DTNA: variants seen among roughly 807,000 people sequenced by gnomAD.
The protein encoded by DTNA is dystrobrevin alpha, also known as dystrophin-related protein 3.
A neutral mutation model predicts 100.7 loss-of-function variants in DTNA; 43 were observed. The observed-to-expected ratio is 0.43, with a 90% confidence interval of 0.33 to 0.55. The LOEUF is 0.55. Among genes scored for constraint, DTNA ranks in the 20% least tolerant of loss-of-function variants. The probability of loss-of-function intolerance (pLI) is 0.04; values close to 1 mark genes in which losing one functional copy is unlikely to be tolerated. For missense variants in DTNA, 798 were observed against 953.9 expected, an observed-to-expected ratio of 0.84 and a Z score of 2.15; for synonymous variants, 349 against 347.9, an observed-to-expected ratio of 1.00 and a Z score of -0.04.
Position 34,889,957 on chromosome 18 carries a change from TACTCAG to T in DTNA, c.*2224_*2229del. On this transcript the variant is annotated 3_prime_UTR_variant, in exon 23 of 23. Transcript: ENST00000444659. ...GGAGCAGGTGGCCACTGGTGCCTCA[TACTCAG>T]TATTGAAAACCACTACATCCCAGCT... 5.5e-6 allele frequency: 6 copies of T among 1,088,546 alleles called. No homozygotes were observed. The highest frequency in any genetic ancestry group is 4.7e-5 in the Admixed American group (1 of 21,146). 67.4% of individuals were successfully genotyped at this position (1,088,546 alleles called of 1,614,324 possible). A position where few individuals can be genotyped will look rare whatever the true frequency, so the allele number is the denominator to read the frequency against.
intron 1 of DTNA, among the ~76,000 whole-genome samples, chr18:34,670,543 C>A (rs2076598666): frequency 6.6e-6 from 1 of 152,160 alleles, no homozygotes; most frequent in Admixed American, 6.5e-5. Flanking sequence ...TTTTCCCCAT[C>A]TTTGTGGTTT....
In DTNA at chr18:34,794,205, A is replaced by T. The variant is rs753381769; in HGVS notation, c.317A>T (p.Gln106Leu). The change falls in exon 4 of 23, where the codon CAG becomes CTG. Residue 106 changes from glutamine (Q) to leucine (L), a missense_variant. Gln to Leu is a moderately radical substitution (Grantham distance 113, BLOSUM62 -2). Transcript: ENST00000444659. ...ACCACTCACCAAATCCATGTGGAGC[A>T]GTCCATCAGCCTCCTCCTTAACTTC... ...MPTTHQIHVE[Q>L]SISLLLNFLL... is the part of the protein sequence containing the mutation. The T allele has an allele frequency of 9.9e-6, 16 of 1,614,182 alleles. No homozygotes were observed. The South Asian group carries it at 1.5e-4, about 16-fold the overall frequency.
chr18:34,528,502 T>A (rs1398391245), intron 1 of DTNA, among the ~76,000 whole-genome samples: 1 of 151,972 alleles, frequency 6.6e-6, no homozygotes, highest in Non-Finnish European at 1.5e-5. Context: ...ACACATATAT[T>A]TTTTTCCGAC....
intron 12 of DTNA, 33 bp downstream of exon 12, chr18:34,838,204 C>A (rs1461887569): frequency 4.4e-6 from 7 of 1,606,508 alleles, no homozygotes; most frequent in Non-Finnish European, 5.1e-6. Context: ...TGGAACCCTG[C>A]ATTAACTAAA....
Position 34,889,603 on chromosome 18 carries a change from G to A in DTNA, c.*1869G>A. On this transcript the variant is annotated 3_prime_UTR_variant, in exon 23 of 23. Transcript: ENST00000444659. ...ACATCTTCATGCCCCCTCTGCAGAG[G>A]GCGGCTGTACGATGTTCACATGTCT... The A allele has an allele frequency of 1.0e-6, 1 of 985,428 alleles. No individual in the cohort carries two copies. Among genetic ancestry groups the A allele is most frequent in the Non-Finnish European group, 1.2e-6 (1 of 829,924 alleles). The allele number at this position is 985,428 out of a possible 1,614,324, so 61.0% of individuals were successfully genotyped here. A position where few individuals can be genotyped will look rare whatever the true frequency, so the allele number is the denominator to read the frequency against.
At chr18:34,673,872 A>G (rs2077076524) in intron 1 of DTNA, among the ~76,000 whole-genome samples, 1 of 152,196 alleles carries the variant, frequency 6.6e-6, no homozygotes. Context: ...ATTCTCTGCT[A>G]CTATCTTATA....
chr18:34,546,547 G>C (rs1045097661), intron 1 of DTNA, among the ~76,000 whole-genome samples: 1 of 151,910 alleles, frequency 6.6e-6, no homozygotes, highest in Non-Finnish European at 1.5e-5. Flanking sequence ...TAGTCACATA[G>C]GTTCAATATC....
intron 1 of DTNA, among the ~76,000 whole-genome samples, chr18:34,540,614 T>A (rs1303447684): frequency 6.6e-6 from 1 of 151,938 alleles, no homozygotes; most frequent in Non-Finnish European, 1.5e-5. Context: ...ATATTTAAGG[T>A]GTGACACCAA....
intron 3 of DTNA, among the ~76,000 whole-genome samples, chr18:34,784,905 G>A (rs185645780): frequency 1.8e-4 from 27 of 151,770 alleles, no homozygotes; most frequent in Non-Finnish European, 3.4e-4. Context: ...TATGATTGAT[G>A]CATGGCAACT....
At chr18:34,587,102 C>T (rs137974506) in intron 1 of DTNA, among the ~76,000 whole-genome samples, 76 of 151,924 alleles carry the variant, frequency 5.0e-4, no homozygotes, top group Non-Finnish European at 9.4e-4. Flanking sequence ...TGGGAGGGTC[C>T]GAGCTACTTG....
rs573095366 is a variant in DTNA, at chr18:34,652,028, T to C, written c.-1-103948T>C. 7.9e-5 allele frequency among the ~76,000 whole-genome samples: 12 copies of C among 151,588 alleles called. No individual in the cohort carries two copies. In the South Asian group the frequency reaches 2.3e-3, roughly 29 times the overall value. On this transcript the variant is annotated intron_variant, in intron 1 of 19. Transcript: ENST00000283365. ...CTGCAGTGAGGCATGATCATGCCAC[T>C]GCACTACAGTGTGGGTGACAGATTG... is the stretch of plus-strand genomic sequence containing the variant.
rs73416452 is a variant in DTNA at position 34,698,122 on chromosome 18, C to T, written c.-1-57854C>T. The stretch of plus-strand genomic sequence containing the variant: ...TCTTGTTGGGTCTTGCCTCTCCACT[C>T]GTCCTGTGCCCAGTCATACAGAACC... On this transcript the variant is annotated intron_variant, in intron 1 of 19. Transcript: ENST00000283365. Among the ~76,000 whole-genome samples, 429 of 152,290 alleles carry T rather than the reference C, an allele frequency of 2.8e-3. 3 individuals carry two copies. Among genetic ancestry groups the T allele is most frequent in the African/African-American group, 9.4e-3 (390 of 41,562 alleles).
intron 8 of DTNA, among the ~76,000 whole-genome samples, chr18:34,819,536 A>G (rs2095663168): frequency 6.6e-6 from 1 of 152,244 alleles, no homozygotes; most frequent in African/African-American, 2.4e-5. Flanking sequence ...CCAGTTTTCA[A>G]ACTTCTACCC....
At chr18:34,495,058 C>T (rs1321754360) in intron 1 of DTNA, among the ~76,000 whole-genome samples, 1 of 152,066 alleles carries the variant, frequency 6.6e-6, no homozygotes, top group Non-Finnish European at 1.5e-5. Context: ...AATCCGGGCA[C>T]AGAGAGATAA....
intron 7 of DTNA, among the ~76,000 whole-genome samples, chr18:34,817,124 G>A (rs2095613944): frequency 6.6e-6 from 1 of 152,134 alleles, no homozygotes; most frequent in South Asian, 2.1e-4. Context: ...CAGGAGATCA[G>A]TTTCTTAGGC....
At chr18:34,886,118 T>G (rs2096919484) in intron 22 of DTNA, among the ~76,000 whole-genome samples, 1 of 152,252 alleles carries the variant, frequency 6.6e-6, no homozygotes, top group African/African-American at 2.4e-5. Context: ...TGTTGGTTGC[T>G]ATTAATAATT....
intron 4 of DTNA, among the ~76,000 whole-genome samples, chr18:34,796,826 A>C (rs1334163504): frequency 6.6e-6 from 1 of 152,184 alleles, no homozygotes; most frequent in Non-Finnish European, 1.5e-5. Flanking sequence ...AACTTCGTGA[A>C]GAAAGTGGTA....
In DTNA at chr18:34,827,619, A is replaced by T. The variant is rs774372435; in HGVS notation, c.1028A>T (p.Asn343Ile). ...IVPPRPVTSM[N>I]DTLFSHSVPS... ...CCTCCCAGACCTGTAACCAGCATGA[A>T]CGACACCCTGTTCTCCCACTCTGTT... The change falls in exon 10 of 23, where the codon AAC becomes ATC. Residue 343 changes from asparagine (N) to isoleucine (I), a missense_variant. Asn to Ile is a moderately radical substitution (Grantham distance 149). This residue lies in a region of DTNA where 93 missense variants were observed against 90.5 expected (regional missense o/e 1.03). Transcript: ENST00000444659. 4 of 1,613,910 alleles carry T rather than the reference A, an allele frequency of 2.5e-6. No homozygotes were observed. Among genetic ancestry groups the T allele is most frequent in the Admixed American group, 3.3e-5 (2 of 60,018 alleles).
chr18:34,749,101 T>C (rs2092017900), intron 1 of DTNA, among the ~76,000 whole-genome samples: 1 of 152,188 alleles, frequency 6.6e-6, no homozygotes, highest in Admixed American at 6.5e-5. Flanking sequence ...GATTGAGTTC[T>C]GGATTTGGTT....
Sources: gnomAD v4.1 joint callset for allele counts (sites outside exome capture counted in the v4.1 genomes callset) on GRCh38, gnomAD v4.1.1 for gene constraint, gnomAD v4.1.1 regional missense constraint, MANE v1.5 for transcripts, NCBI Gene and HGNC (gene_info 2026-07-23, HGNC 2026-07-21) for gene names.